CDH8: variants seen among roughly 807,000 people sequenced by gnomAD.
CDH8 encodes the protein cadherin-8.
CDH8 carries 17 observed loss-of-function variants against 68.1 expected under a neutral mutation model. That is an observed-to-expected ratio of 0.25 (90% CI 0.17 to 0.37). The LOEUF (loss-of-function observed/expected upper bound fraction) is 0.37. CDH8 is among the 10% of genes least tolerant of loss of function. The pLI, the probability that CDH8 is intolerant of heterozygous loss-of-function variation, is 1.00. For missense variants in CDH8, 763 were observed against 999.3 expected, an observed-to-expected ratio of 0.76 and a Z score of 3.19; for synonymous variants, 372 against 365.1, an observed-to-expected ratio of 1.02 and a Z score of -0.21.
At chr16:61,848,949 C>A (rs1194215231) in intron 4 of CDH8, among the ~76,000 whole-genome samples, 3 of 152,002 alleles carry the variant, frequency 2.0e-5, no homozygotes, top group Non-Finnish European at 4.4e-5. Context: ...TATCATTTAA[C>A]CTCAAAGATC....
intron 10 of CDH8, among the ~76,000 whole-genome samples, chr16:61,679,196 T>C (rs1399136480): frequency 1.3e-5 from 2 of 152,008 alleles, no homozygotes; most frequent in East Asian, 1.9e-4. Flanking sequence ...CATAAATCAG[T>C]CTATGATGAA....
chr16:61,920,217 CA>C (rs1964335595), intron 2 of CDH8, among the ~76,000 whole-genome samples: 1 of 137,962 alleles, frequency 7.2e-6, no homozygotes, highest in South Asian at 2.5e-4. Context: ...TCTAAAACAC[CA>C]AAAGCAATGG....
chr16:61,768,398 T>TTTTCTCTCTC (rs1960685085), intron 8 of CDH8, among the ~76,000 whole-genome samples: 2 of 35,218 alleles, frequency 5.7e-5, no homozygotes, highest in African/African-American at 2.6e-4. Flanking sequence ...CTCTCTCCCT[T>TTTTCTCTCTC]TCTCTCTCTC....
intron 8 of CDH8, among the ~76,000 whole-genome samples, chr16:61,738,492 C>G (rs1186261939): frequency 6.6e-6 from 1 of 152,078 alleles, no homozygotes; most frequent in Non-Finnish European, 1.5e-5. Flanking sequence ...AAATTTTAAT[C>G]CGATGGGGAA....
intron 10 of CDH8, chr16:61,693,230 G>T (rs1240004310): frequency 6.6e-6 from 1 of 152,106 alleles, no homozygotes; most frequent in Non-Finnish European, 1.5e-5. Context: ...TATGATAAGG[G>T]ATTCTCAAAG....
chr16:61,975,592 T>C (rs1377292295), intron 2 of CDH8, among the ~76,000 whole-genome samples: 1 of 152,162 alleles, frequency 6.6e-6, no homozygotes, highest in African/African-American at 2.4e-5. Flanking sequence ...AATAGTTTGA[T>C]AAAAAAATCT....
rs369877864 is a variant in CDH8, at chr16:62,021,387, G to A, written c.17C>T (p.Ala6Val). The A allele has an allele frequency of 5.6e-6, 9 of 1,609,784 alleles. No individual in the cohort carries two copies. The highest frequency in any genetic ancestry group is 1.3e-5 in the African/African-American group (1 of 74,754). Residue 6 changes from alanine to valine, a missense_variant, in exon 2 of 12, where the codon GCG (alanine) becomes GTG (valine). Coordinates refer to ENST00000577390, the MANE Select transcript of CDH8 (RefSeq NM_001796.5). MPERLAEMLLDLWTPL... is the reference protein window; with the variant it reads MPERLVEMLLDLWTPL... Reference sequence around the variant, plus strand: ...AGTCCAGAGATCCAAGAGCATTTCCGCTAGCCGTTCTGGCATGGTCCCACC... The same window carrying A: ...AGTCCAGAGATCCAAGAGCATTTCCACTAGCCGTTCTGGCATGGTCCCACC...
intron 9 of CDH8, among the ~76,000 whole-genome samples, chr16:61,722,800 T>A (rs1959235827): frequency 6.6e-6 from 1 of 150,684 alleles, no homozygotes; most frequent in Non-Finnish European, 1.5e-5. Flanking sequence ...GATACCCCCA[T>A]AATAAACAAA....
intron 4 of CDH8, among the ~76,000 whole-genome samples, chr16:61,830,878 T>G (rs1431497211): frequency 6.6e-6 from 1 of 151,876 alleles, no homozygotes. Flanking sequence ...GAGTATTGAG[T>G]TGATAAAATT....
intron 9 of CDH8, chr16:61,714,244 G>A (rs1964681016): frequency 3.1e-6 from 1 of 327,268 alleles, no homozygotes; most frequent in Non-Finnish European, 5.6e-6. Context: ...TATCCACTGG[G>A]CAATTACAGG....
chr16:61,776,542 T>C (rs1960903777), intron 8 of CDH8, among the ~76,000 whole-genome samples: 1 of 152,078 alleles, frequency 6.6e-6, no homozygotes, highest in African/African-American at 2.4e-5. Flanking sequence ...TATTAATATA[T>C]ATAATCAAGG....
intron 10 of CDH8, among the ~76,000 whole-genome samples, chr16:61,686,988 C>A (rs1405574955): frequency 6.6e-6 from 1 of 151,738 alleles, no homozygotes; most frequent in East Asian, 1.9e-4. Flanking sequence ...GTTCTATAGA[C>A]CAATTCTCCA....
intron 2 of CDH8, among the ~76,000 whole-genome samples, chr16:61,929,460 T>C (rs1764461727): frequency 6.6e-6 from 1 of 152,198 alleles, no homozygotes; most frequent in Non-Finnish European, 1.5e-5. Flanking sequence ...GCTGTTCGCC[T>C]ACATGGATTC....
chr16:62,022,710 G>T (rs1483131840), intron 1 of CDH8, among the ~76,000 whole-genome samples: 1 of 152,108 alleles, frequency 6.6e-6, no homozygotes, highest in Non-Finnish European at 1.5e-5. Context: ...TAGGTCTCTG[G>T]TTCCATTCTG....
At chr16:61,713,186 T>C (rs1249355626) in intron 10 of CDH8, among the ~76,000 whole-genome samples, 1 of 151,564 alleles carries the variant, frequency 6.6e-6, no homozygotes, top group Non-Finnish European at 1.5e-5. Flanking sequence ...TAAACAATAA[T>C]CTATGGCTTT....
At position 61,714,955 on chromosome 16, in the gene CDH8, C is replaced by G. The variant is rs188812748; in HGVS notation, c.1537-997G>C. 4.2e-4 allele frequency among the ~76,000 whole-genome samples: 63 copies of G among 151,472 alleles called. No homozygotes were observed. In the Middle Eastern group the frequency reaches 0.02, roughly 49 times the overall value. ...TGTTATTAAAGAGAAAAAAAAATTCCTTTTGAGAAGGGGTCATCTTTGCTT... is the reference window on the plus strand; with the variant it reads ...TGTTATTAAAGAGAAAAAAAAATTCGTTTTGAGAAGGGGTCATCTTTGCTT... On this transcript the variant is annotated intron_variant, in intron 9 of 11. Transcript: ENST00000577390.
At chr16:62,034,128 A>T (rs1216334782) in intron 1 of CDH8, among the ~76,000 whole-genome samples, 1 of 152,008 alleles carries the variant, frequency 6.6e-6, no homozygotes, top group African/African-American at 2.4e-5. Flanking sequence ...CTTCAAAGGT[A>T]CCACTTCTCT....
chr16:61,854,101 C>T lies in CDH8; in HGVS notation c.667+3018G>A, dbSNP rs189261751. Among the ~76,000 whole-genome samples the T allele has an allele frequency of 1.8e-4, 26 of 147,324 alleles. No individual in the cohort carries two copies. In the Middle Eastern group the frequency reaches 0.017, roughly 99 times the overall value. ...ATACATGTATATATGTTTATAAGTA[C>T]GCACACACACATGCACACATATACA... On this transcript the variant is annotated intron_variant, in intron 4 of 11. Transcript: ENST00000577390.
At chr16:61,726,073 G>GA (rs558968166) in intron 9 of CDH8, 4 of 150,644 alleles carry the variant, frequency 2.7e-5, no homozygotes, top group Non-Finnish European at 6.0e-5. Context: ...TCTTTAGGGG[G>GA]AAAAAATCTG....
Sources: allele counts gnomAD v4.1 joint callset (sites outside exome capture counted in the v4.1 genomes callset), GRCh38; gene constraint gnomAD v4.1.1; transcripts MANE v1.5; gene names NCBI Gene and HGNC (gene_info 2026-07-23, HGNC 2026-07-21).